Variants in PPARGC1A observed in about 807,000 individuals in gnomAD.
PPARGC1A encodes the protein PPARG coactivator 1 alpha.
In PPARGC1A, 25 loss-of-function variants were observed where a neutral mutation model predicts 88.7. That is an observed-to-expected ratio of 0.28 (90% CI 0.21 to 0.39). The LOEUF (loss-of-function observed/expected upper bound fraction) is 0.39, where lower values mean the gene tolerates loss of function less well. Among genes scored for constraint, PPARGC1A ranks in the 10% least tolerant of loss-of-function variants. The pLI is 1.00. For missense variants in PPARGC1A, 880 were observed against 968.7 expected, an observed-to-expected ratio of 0.91 and a Z score of 1.22; for synonymous variants, 363 against 355.6, an observed-to-expected ratio of 1.02 and a Z score of -0.24.
the PPARGC1A span, among the ~76,000 whole-genome samples, chr4:24,254,867 T>G: frequency 6.6e-6 from 1 of 152,218 alleles, no homozygotes; most frequent in Non-Finnish European, 1.5e-5. Flanking sequence ...AGAGCAGAAT[T>G]TATTCTTTCC....
At chr4:23,889,464 C>G (rs986220943) in intron 1 of PPARGC1A, 44 of 743,610 alleles carry the variant, frequency 5.9e-5, no homozygotes, top group African/African-American at 1.2e-4. Context: ...AAAATCCGGA[C>G]TAGAGTCAAA....
chr4:24,138,671 G>C, the PPARGC1A span, among the ~76,000 whole-genome samples: 1 of 152,144 alleles, frequency 6.6e-6, no homozygotes, highest in Non-Finnish European at 1.5e-5. Context: ...TGTTAAGCAA[G>C]AGAGGAGAAC....
chr4:24,303,184 G>C, the PPARGC1A span, among the ~76,000 whole-genome samples: 1 of 152,270 alleles, frequency 6.6e-6, no homozygotes, highest in Non-Finnish European at 1.5e-5. Context: ...TTATTTCCAA[G>C]ATAGGAGTTA....
At chr4:24,313,053 A>G in the PPARGC1A span, among the ~76,000 whole-genome samples, 1 of 152,216 alleles carries the variant, frequency 6.6e-6, no homozygotes, top group Non-Finnish European at 1.5e-5. Context: ...TAAAGTGTAG[A>G]TTAGAAGGGA....
the PPARGC1A span, among the ~76,000 whole-genome samples, chr4:24,470,277 G>GACACTCACAC: frequency 9.0e-6 from 1 of 110,676 alleles, no homozygotes; most frequent in South Asian, 3.4e-4. The surrounding 1 kb of genome is among the most constrained non-coding windows in gnomAD (Gnocchi z 5.8). Context: ...GACAGACACA[G>GACACTCACAC]ACACACACAC....
At chr4:24,242,397 C>T in the PPARGC1A span, among the ~76,000 whole-genome samples, 3 of 152,174 alleles carry the variant, frequency 2.0e-5, no homozygotes, top group Non-Finnish European at 4.4e-5. Context: ...TCCTATGAGT[C>T]TTCAGGCCTG....
At chr4:24,009,829 GA>G in the PPARGC1A span, among the ~76,000 whole-genome samples, 1 of 152,196 alleles carries the variant, frequency 6.6e-6, no homozygotes, top group Non-Finnish European at 1.5e-5. Context: ...GAGTAGCTGT[GA>G]AGTAAATTGG....
At position 23,813,816 on chromosome 4, in the gene PPARGC1A, G is replaced by A. The variant is rs756870127; in HGVS notation, c.1667C>T (p.Ser556Phe). The A allele has an allele frequency of 1.2e-6, 2 of 1,613,884 alleles. No homozygotes were observed. Among genetic ancestry groups the A allele is most frequent in the Non-Finnish European group, 1.7e-6 (2 of 1,179,842 alleles). ...CCTTTGGGGTCTTTGAGAAAATAAG[G>A]ATTTGGGTGGTGACACAGAATCTCT... ...PCRDSVSPPK[S>F]LFSQRPQRMR... Residue 556 changes from serine (S) to phenylalanine (F), a missense_variant, in exon 8 of 13, where the codon TCC (serine) becomes TTC (phenylalanine). Transcript: ENST00000264867.
rs764798753 is a variant in PPARGC1A at position 23,814,221 on chromosome 4, C to T, written c.1262G>A (p.Gly421Glu). 3 of 1,613,920 alleles carry T rather than the reference C, an allele frequency of 1.9e-6. No homozygotes were observed. In the African/African-American group the frequency reaches 4.0e-5, roughly 22 times the overall value. The change falls in exon 8 of 13, where the codon GGG (glycine) becomes GAG (glutamate). Residue 421 changes from glycine (G) to glutamate (E), a missense_variant. Physicochemically the swap from Gly to Glu is moderately conservative, Grantham distance 98. Coordinates refer to ENST00000264867, the MANE Select transcript of PPARGC1A (RefSeq NM_013261.5). ...TGAATCTGTGGAAGAACAAATCTGC[C>T]CCTGCCAATCAGAGGAGACATCTTT... is the stretch of plus-strand genomic sequence containing the variant. Reference protein sequence around the residue: ...ENKDVSSDWQGQICSSTDSDQ... With the variant: ...ENKDVSSDWQEQICSSTDSDQ...
At chr4:24,106,911 G>A in the PPARGC1A span, among the ~76,000 whole-genome samples, 2 of 152,196 alleles carry the variant, frequency 1.3e-5, no homozygotes, top group African/African-American at 4.8e-5. Context: ...CTTAGATCAT[G>A]AGCAATAATA....
chr4:23,812,518 T>C (rs1721106445), intron 10 of PPARGC1A, among the ~76,000 whole-genome samples: 1 of 152,158 alleles, frequency 6.6e-6, no homozygotes, highest in African/African-American at 2.4e-5. Context: ...GTAATGAACT[T>C]CAAAATGAAA....
chr4:24,320,457 A>G, the PPARGC1A span, among the ~76,000 whole-genome samples: 1 of 152,236 alleles, frequency 6.6e-6, no homozygotes, highest in Non-Finnish European at 1.5e-5. Context: ...TAATCATGAT[A>G]CACACACTCC....
chr4:24,423,247 G>T, the PPARGC1A span, among the ~76,000 whole-genome samples: 74 of 152,276 alleles, frequency 4.9e-4, no homozygotes, highest in African/African-American at 1.6e-3. Flanking sequence ...CCATAATCAT[G>T]TATGTGGTGA....
At chr4:23,889,765 T>G in intron 1 of PPARGC1A, 139 bp downstream of exon 1, 238 of 980,524 alleles carry the variant, frequency 2.4e-4, no homozygotes, top group Non-Finnish European at 3.1e-4. Context: ...AAGATAAGAT[T>G]GAGATTCTTC....
chr4:24,278,786 G>A, the PPARGC1A span, among the ~76,000 whole-genome samples: 15 of 152,166 alleles, frequency 9.9e-5, no homozygotes, highest in East Asian at 1.9e-4. Flanking sequence ...CAACAAAGTC[G>A]TATGATTTTT....
chr4:24,462,710 A>G, the PPARGC1A span, among the ~76,000 whole-genome samples: 2 of 151,044 alleles, frequency 1.3e-5, no homozygotes, highest in Non-Finnish European at 2.9e-5. Flanking sequence ...AGTGGATTCT[A>G]TTATGATGGA....
At chr4:23,984,670 CAA>C in the PPARGC1A span, among the ~76,000 whole-genome samples, 6 of 151,872 alleles carry the variant, frequency 4.0e-5, no homozygotes, top group Admixed American at 3.9e-4. Flanking sequence ...CTTCATTTTT[CAA>C]AAAAGGCTTT....
chr4:23,792,700 G>A lies in PPARGC1A; in HGVS notation c.*3122C>T, dbSNP rs60752299. The A allele has an allele frequency of 0.017, 2,595 of 152,450 alleles. 39 individuals are homozygous for A. Among genetic ancestry groups the A allele is most frequent in the Middle Eastern group, 0.034 (10 of 294 alleles). The allele number at this position is 152,450 out of a possible 1,614,324, so 9.4% of individuals were successfully genotyped here. On this transcript the variant is annotated 3_prime_UTR_variant, in exon 13 of 13. Coordinates refer to ENST00000264867, the MANE Select transcript of PPARGC1A (RefSeq NM_013261.5). ...CCACGGCATGAAGGCAATGGCCCACGGTCTTCTAAAAATCCTACAGATCTA... is the reference window on the plus strand; with the variant it reads ...CCACGGCATGAAGGCAATGGCCCACAGTCTTCTAAAAATCCTACAGATCTA...
the PPARGC1A span, among the ~76,000 whole-genome samples, chr4:24,056,320 C>T: frequency 6.6e-6 from 1 of 152,196 alleles, no homozygotes; most frequent in Admixed American, 6.5e-5. Context: ...TAGGAGGAGT[C>T]ACTGGGTCAG....
Sources: allele counts gnomAD v4.1 joint callset (sites outside exome capture counted in the v4.1 genomes callset), GRCh38; gene constraint gnomAD v4.1.1; non-coding constraint Gnocchi (gnomAD v3.1); transcripts MANE v1.5; gene names NCBI Gene and HGNC (gene_info 2026-07-23, HGNC 2026-07-21).